The following GRK3 variants were observed in gnomAD, a reference collection of about 807,000 sequenced individuals.
The protein encoded by GRK3 is G protein-coupled receptor kinase 3.
A neutral mutation model predicts 95.7 loss-of-function variants in GRK3; 54 were observed. That is an observed-to-expected ratio of 0.56 (90% CI 0.45 to 0.71). The LOEUF is 0.71. GRK3 is among the 30% of genes least tolerant of loss of function. The pLI is 0.00. For missense variants in GRK3, 649 were observed against 851.2 expected, an observed-to-expected ratio of 0.76 and a Z score of 2.96; for synonymous variants, 281 against 290.8, an observed-to-expected ratio of 0.97 and a Z score of 0.34.
intron 1 of GRK3, among the ~76,000 whole-genome samples, chr22:25,582,941 T>C (rs1222295769): frequency 6.6e-6 from 1 of 152,186 alleles, no homozygotes; most frequent in Admixed American, 6.5e-5. Flanking sequence ...TACGAGGACA[T>C]GAATGAAAAG....
chr22:25,586,944 G>A (rs1276022070), intron 1 of GRK3, among the ~76,000 whole-genome samples: 1 of 150,138 alleles, frequency 6.7e-6, no homozygotes, highest in Non-Finnish European at 1.5e-5. Flanking sequence ...GGAGTGCATG[G>A]CACGATCTCA....
chr22:25,582,734 A>G (rs1165822271), intron 1 of GRK3, among the ~76,000 whole-genome samples: 1 of 152,246 alleles, frequency 6.6e-6, no homozygotes, highest in Non-Finnish European at 1.5e-5. Flanking sequence ...AGGAAGAGTG[A>G]TGTGTGGTAG....
chr22:25,633,887 A>G (rs1301107328), intron 2 of GRK3, among the ~76,000 whole-genome samples: 1 of 152,198 alleles, frequency 6.6e-6, no homozygotes, highest in African/African-American at 2.4e-5. Flanking sequence ...ATTATTCCAT[A>G]CAACATAGTT....
chr22:25,653,174 CAA>C (rs751692755), intron 3 of GRK3, among the ~76,000 whole-genome samples: 15 of 152,084 alleles, frequency 9.9e-5, no homozygotes, highest in Non-Finnish European at 2.1e-4. Context: ...AAATTGCAAA[CAA>C]AGAGTAAGTA....
intron 9 of GRK3, among the ~76,000 whole-genome samples, chr22:25,681,292 C>T (rs998264588): frequency 3.3e-5 from 5 of 152,102 alleles, no homozygotes; most frequent in African/African-American, 4.8e-5. Context: ...CAAATGATGA[C>T]GGAAATGTAT....
At chr22:25,662,681 C>G (rs559022632) in intron 4 of GRK3, among the ~76,000 whole-genome samples, 1 of 152,320 alleles carries the variant, frequency 6.6e-6, no homozygotes, top group South Asian at 2.1e-4. Flanking sequence ...CTAATTGTTG[C>G]TACTCCATGC....
intron 2 of GRK3, among the ~76,000 whole-genome samples, chr22:25,620,785 G>A (rs989669768): frequency 2.0e-5 from 3 of 152,166 alleles, no homozygotes; most frequent in African/African-American, 4.8e-5. Flanking sequence ...TGACAGCACC[G>A]TTTGGAGTTT....
chr22:25,674,457 T>C lies in GRK3; in HGVS notation c.576T>C (p.Ser192=). Residue 192 remains serine (S), a synonymous_variant, in exon 8 of 21, where the codon AGT becomes AGC. Coordinates refer to ENST00000324198, the MANE Select transcript of GRK3 (RefSeq NM_005160.4). ...CCCAGTTGACCATGAATGAGTTCAG[T>C]GTGCATAGGATTATTGGACGAGGAG... ...LNIHLTMNEF[S]VHRIIGRGGF... The C allele has an allele frequency of 1.2e-6, 2 of 1,613,930 alleles. No individual in the cohort carries two copies. The highest frequency in any genetic ancestry group is 2.2e-5 in the South Asian group (2 of 91,062).
At chr22:25,629,899 A>T (rs1269735553) in intron 2 of GRK3, among the ~76,000 whole-genome samples, 1 of 152,196 alleles carries the variant, frequency 6.6e-6, no homozygotes, top group Non-Finnish European at 1.5e-5. Flanking sequence ...CTCCTCTACC[A>T]AGTGAATTTG....
At chr22:25,710,330 A>G (rs946503810) in intron 16 of GRK3, among the ~76,000 whole-genome samples, 1 of 152,192 alleles carries the variant, frequency 6.6e-6, no homozygotes, top group Admixed American at 6.5e-5. Context: ...TCTTATCTCA[A>G]TGTGACTGTA....
chr22:25,646,257 A>G (rs1405694984), intron 3 of GRK3, among the ~76,000 whole-genome samples: 1 of 152,208 alleles, frequency 6.6e-6, no homozygotes, highest in Non-Finnish European at 1.5e-5. Context: ...TGTTCAAGAA[A>G]AAAGAGAAAA....
intron 1 of GRK3, among the ~76,000 whole-genome samples, chr22:25,586,760 T>C (rs1932326370): frequency 1.3e-5 from 2 of 152,216 alleles, no homozygotes; most frequent in Admixed American, 6.5e-5. Context: ...GTGTCTTTCA[T>C]GAAAAATGAA....
chr22:25,611,898 T>G (rs144072548), intron 2 of GRK3, among the ~76,000 whole-genome samples: 2,097 of 144,948 alleles, frequency 0.014, 50 homozygotes, highest in African/African-American at 0.049. Flanking sequence ...AGTGGTGCAA[T>G]CTGGGCTCAC....
At chr22:25,696,313 G>A (rs1188187066) in intron 13 of GRK3, among the ~76,000 whole-genome samples, 1 of 152,060 alleles carries the variant, frequency 6.6e-6, no homozygotes, top group Non-Finnish European at 1.5e-5. Flanking sequence ...GCGTTTGTTG[G>A]GGAAAATGCT....
At chr22:25,662,794 G>A (rs1023065996) in intron 4 of GRK3, among the ~76,000 whole-genome samples, 3 of 152,040 alleles carry the variant, frequency 2.0e-5, no homozygotes, top group African/African-American at 7.2e-5. Flanking sequence ...CAGTTTAGAG[G>A]GTGTTTATTC....
intron 18 of GRK3, chr22:25,715,308 G>A (rs1412250916): frequency 6.6e-6 from 1 of 152,314 alleles, no homozygotes; most frequent in African/African-American, 2.4e-5. Flanking sequence ...GAGTCCAGAA[G>A]TCCAAGACCA....
chr22:25,588,206 T>TG (rs1224638384), intron 1 of GRK3, among the ~76,000 whole-genome samples: 4 of 152,350 alleles, frequency 2.6e-5, no homozygotes, highest in African/African-American at 9.6e-5. Context: ...GGTGTCTGTT[T>TG]GGGGATGATT....
At chr22:25,703,606 TGTA>T in intron 14 of GRK3, 30 bp downstream of exon 14, 1 of 1,481,018 alleles carries the variant, frequency 6.8e-7, no homozygotes. Flanking sequence ...TATTCTTGTC[TGTA>T]TGGTAATTGT....
intron 8 of GRK3, 62 bp from the exon 9 acceptor site, chr22:25,678,753 TA>T (rs1169343712): frequency 5.0e-5 from 49 of 984,962 alleles, no homozygotes; most frequent in Non-Finnish European, 9.1e-6. Flanking sequence ...GAGTGACATA[TA>T]TTGTTTAAAT....
Sources: gnomAD v4.1 joint callset for allele counts (sites outside exome capture counted in the v4.1 genomes callset) on GRCh38, gnomAD v4.1.1 for gene constraint, MANE v1.5 for transcripts, NCBI Gene and HGNC (gene_info 2026-07-23, HGNC 2026-07-21) for gene names.